PLCB4: variants seen among roughly 807,000 people sequenced by gnomAD.
PLCB4 encodes the protein phospholipase C beta 4, also known as 1-phosphatidylinositol 4,5-bisphosphate phosphodiesterase beta-4.
Under a neutral mutation model 178.8 loss-of-function variants are expected in PLCB4, and 77 were observed. The observed-to-expected ratio is 0.43, with a 90% CI of 0.36 to 0.52. The LOEUF (loss-of-function observed/expected upper bound fraction) is 0.52. Among genes scored for constraint, PLCB4 ranks in the 20% least tolerant of loss-of-function variants. The pLI, the probability that PLCB4 is intolerant of heterozygous loss-of-function variation, is 0.00. For synonymous variants in PLCB4, 496 were observed against 490.8 expected (o/e 1.01, Z -0.14); for missense variants, 1,024 against 1,453.4 (o/e 0.70, Z 4.80).
chr20:9,301,376 C>CA (rs747876541), intron 3 of PLCB4, among the ~76,000 whole-genome samples: 4 of 151,820 alleles, frequency 2.6e-5, no homozygotes, highest in South Asian at 2.1e-4. Flanking sequence ...TGTCCAGAGA[C>CA]AAAAAATTCC....
chr20:9,280,715 C>T (rs533855562), intron 3 of PLCB4, among the ~76,000 whole-genome samples: 4 of 151,860 alleles, frequency 2.6e-5, no homozygotes, highest in East Asian at 3.9e-4. Context: ...AAATTTCACT[C>T]GGTGAGGAAA....
intron 2 of PLCB4, among the ~76,000 whole-genome samples, chr20:9,172,298 A>G (rs1482640774): frequency 6.6e-6 from 1 of 152,168 alleles, no homozygotes; most frequent in African/African-American, 2.4e-5. Flanking sequence ...CCATAATAAG[A>G]GAGAAGTCAC....
intron 25 of PLCB4, among the ~76,000 whole-genome samples, chr20:9,417,430 G>A (rs138698289): frequency 2.8e-4 from 43 of 152,102 alleles, no homozygotes; most frequent in African/African-American, 1.0e-3. Flanking sequence ...CTGAACATTT[G>A]ATATAAATGA....
At chr20:9,249,194 T>G (rs1429218277) in intron 3 of PLCB4, among the ~76,000 whole-genome samples, 1 of 152,202 alleles carries the variant, frequency 6.6e-6, no homozygotes, top group Non-Finnish European at 1.5e-5. Flanking sequence ...TTCAGTTGAT[T>G]AGCATTTTAA....
At chr20:9,426,207 T>C (rs1466627022) in intron 28 of PLCB4, among the ~76,000 whole-genome samples, 1 of 152,206 alleles carries the variant, frequency 6.6e-6, no homozygotes, top group African/African-American at 2.4e-5. Flanking sequence ...GTGTGGATTT[T>C]CATTACTTTT....
chr20:9,212,931 G>A (rs562819731), intron 2 of PLCB4, among the ~76,000 whole-genome samples: 29 of 151,738 alleles, frequency 1.9e-4, no homozygotes, highest in African/African-American at 2.7e-4. Context: ...TAATATATTC[G>A]TGGCATTGTG....
At chr20:9,395,962 T>C (rs1237737777) in intron 19 of PLCB4, among the ~76,000 whole-genome samples, 1 of 152,222 alleles carries the variant, frequency 6.6e-6, no homozygotes, top group East Asian at 1.9e-4. Flanking sequence ...GACAACAGAC[T>C]GAGGCCTTGT....
intron 25 of PLCB4, among the ~76,000 whole-genome samples, chr20:9,414,932 G>A (rs2040137710): frequency 6.6e-6 from 1 of 152,090 alleles, no homozygotes; most frequent in Non-Finnish European, 1.5e-5. Flanking sequence ...TTGCCCACAG[G>A]CCGTACGTTC....
intron 1 of PLCB4, among the ~76,000 whole-genome samples, chr20:9,086,814 T>C (rs977457331): frequency 6.6e-6 from 1 of 152,236 alleles, no homozygotes; most frequent in Non-Finnish European, 1.5e-5. Flanking sequence ...TAGCTGGCCA[T>C]TGCCCTAGCT....
intron 2 of PLCB4, among the ~76,000 whole-genome samples, chr20:9,189,440 G>C (rs1568921540): frequency 8.1e-6 from 1 of 122,866 alleles, no homozygotes; most frequent in Non-Finnish European, 1.7e-5. Flanking sequence ...GTCCTATAGT[G>C]ACATTCTGGG....
chr20:9,467,292 G>T (rs2043857780), intron 35 of PLCB4, among the ~76,000 whole-genome samples: 2 of 152,136 alleles, frequency 1.3e-5, no homozygotes, highest in Admixed American at 1.3e-4. Flanking sequence ...GTGGGGGACT[G>T]GGGGAGGGAT....
At chr20:9,077,866 A>G (rs2089944421) in intron 1 of PLCB4, among the ~76,000 whole-genome samples, 1 of 152,250 alleles carries the variant, frequency 6.6e-6, no homozygotes, top group Non-Finnish European at 1.5e-5. Flanking sequence ...AATACTAGTT[A>G]TTTAAGAATC....
intron 3 of PLCB4, among the ~76,000 whole-genome samples, chr20:9,224,935 T>C (rs566886761): frequency 2.6e-5 from 4 of 152,340 alleles, no homozygotes; most frequent in African/African-American, 4.8e-5. Context: ...ATAGTGAGCA[T>C]TGACTTGCTT....
rs8125358 is a variant in PLCB4 at position 9,278,038 on chromosome 20, C to T, written c.-15-29762C>T. Among the ~76,000 whole-genome samples the T allele has an allele frequency of 6.8e-3, 1,032 of 152,052 alleles. 15 individuals are homozygous for T. The highest frequency in any genetic ancestry group is 0.024 in the African/African-American group (994 of 41,502). ...GTATTCAATTAAATCTCACAAGCCACCCAGAGTGAATGTTTTCATGTTGCT... is the reference window on the plus strand; with the variant it reads ...GTATTCAATTAAATCTCACAAGCCATCCAGAGTGAATGTTTTCATGTTGCT... On this transcript the variant is annotated intron_variant, in intron 3 of 39. Transcript: ENST00000378473.
chr20:9,474,601 T>G (rs1308221163), intron 38 of PLCB4, among the ~76,000 whole-genome samples: 1 of 152,160 alleles, frequency 6.6e-6, no homozygotes, highest in Non-Finnish European at 1.5e-5. Flanking sequence ...AAGGAATACT[T>G]TTTTCCAGAG....
At chr20:9,291,093 G>T (rs2094576152) in intron 3 of PLCB4, among the ~76,000 whole-genome samples, 1 of 152,034 alleles carries the variant, frequency 6.6e-6, no homozygotes, top group South Asian at 2.1e-4. Context: ...ATTAATTGTG[G>T]AAATAGTGTA....
chr20:9,459,722 C>T lies in PLCB4; in HGVS notation c.3160C>T (p.His1054Tyr). Residue 1054 changes from histidine (H) to tyrosine (Y), a missense_variant, in exon 35 of 40, where the codon CAC (histidine) becomes TAC (tyrosine). His to Tyr is a moderately conservative substitution (Grantham distance 83). Transcript: ENST00000378473. ...SAEEQEIRDL[H>Y]LSQQCELLKK... ...TGAGGAGCAAGAAATCCGAGACCTG[C>T]ACCTCAGCCAGCAGTGTGAGCTGCT... is the stretch of plus-strand genomic sequence containing the variant. 1.2e-6 allele frequency: 2 copies of T among 1,612,440 alleles called. No individual in the cohort carries two copies. Among genetic ancestry groups the T allele is most frequent in the Non-Finnish European group, 1.7e-6 (2 of 1,178,532 alleles).
At chr20:9,132,896 G>A (rs1193053379) in intron 2 of PLCB4, among the ~76,000 whole-genome samples, 3 of 152,144 alleles carry the variant, frequency 2.0e-5, no homozygotes, top group Admixed American at 1.3e-4. Context: ...CTATATTGTA[G>A]TGACTAAAAT....
At chr20:9,473,169 A>C in intron 37 of PLCB4, 110 bp from the exon 38 acceptor site, 1 of 634,438 alleles carries the variant, frequency 1.6e-6, no homozygotes, top group Non-Finnish European at 2.6e-6. Flanking sequence ...TTTTTTAAAA[A>C]ATTATTATCT....
Sources: allele counts gnomAD v4.1 joint callset (sites outside exome capture counted in the v4.1 genomes callset), GRCh38; gene constraint gnomAD v4.1.1; transcripts MANE v1.5; gene names NCBI Gene and HGNC (gene_info 2026-07-23, HGNC 2026-07-21).